The following SYT14 variants were observed in gnomAD, a reference collection of about 807,000 sequenced individuals.
SYT14 encodes the protein synaptotagmin-14.
SYT14 carries 32 observed loss-of-function variants against 74.2 expected under a neutral mutation model. The observed-to-expected ratio is 0.43, with a 90% CI of 0.33 to 0.58. The LOEUF (loss-of-function observed/expected upper bound fraction) is 0.58, where lower values mean the gene tolerates loss of function less well. Among genes scored for constraint, SYT14 ranks in the 20% least tolerant of loss-of-function variants. The pLI, the probability that SYT14 is intolerant of heterozygous loss-of-function variation, is 0.05. For synonymous variants in SYT14, 298 were observed against 337.7 expected (o/e 0.88, Z 1.29); for missense variants, 791 against 981.8 (o/e 0.81, Z 2.60).
chr1:209,983,913 A>G (rs2079531026), intron 2 of SYT14, among the ~76,000 whole-genome samples: 1 of 152,200 alleles, frequency 6.6e-6, no homozygotes. Context: ...TGACCTCCCC[A>G]GACTATTTTT....
chr1:209,974,316 G>T (rs1252741574), intron 2 of SYT14, among the ~76,000 whole-genome samples: 2 of 152,064 alleles, frequency 1.3e-5, no homozygotes, highest in Admixed American at 6.6e-5. Flanking sequence ...TATTGCCTAG[G>T]TTTTCTTCTA....
At chr1:209,974,347 C>G (rs1210566294) in intron 2 of SYT14, among the ~76,000 whole-genome samples, 1 of 152,148 alleles carries the variant, frequency 6.6e-6, no homozygotes, top group African/African-American at 2.4e-5. Flanking sequence ...GGTTTCAGGT[C>G]TAACATTTAC....
intron 5 of SYT14, among the ~76,000 whole-genome samples, chr1:210,080,862 A>G (rs2081603583): frequency 6.6e-6 from 1 of 152,166 alleles, no homozygotes; most frequent in African/African-American, 2.4e-5. Flanking sequence ...GAGCGTGGTT[A>G]TGTTTGGGGA....
At chr1:210,024,059 G>A (rs539015522) in intron 5 of SYT14, among the ~76,000 whole-genome samples, 1 of 152,186 alleles carries the variant, frequency 6.6e-6, no homozygotes, top group African/African-American at 2.4e-5. Flanking sequence ...AAATCCACTT[G>A]GCTCCAACAT....
intron 5 of SYT14, among the ~76,000 whole-genome samples, chr1:210,027,615 T>G (rs1208794879): frequency 6.6e-6 from 1 of 152,158 alleles, no homozygotes; most frequent in Admixed American, 6.6e-5. Flanking sequence ...CAAACTCCTG[T>G]TGTTCAAGGG....
At chr1:209,978,789 C>T (rs1395089004) in intron 2 of SYT14, among the ~76,000 whole-genome samples, 2 of 152,226 alleles carry the variant, frequency 1.3e-5, no homozygotes, top group East Asian at 1.9e-4. Context: ...TTTGGGTATT[C>T]CCTGCCCCCA....
At chr1:210,134,208 TC>T (rs1441368026) in intron 7 of SYT14, among the ~76,000 whole-genome samples, 1 of 151,944 alleles carries the variant, frequency 6.6e-6, no homozygotes, top group Non-Finnish European at 1.5e-5. Context: ...GCTCAAGCGA[TC>T]CTCCCACCTC....
At chr1:210,161,270 T>G (rs2083368247) in exon 10 of SYT14, 5 of 651,086 alleles carry the variant, frequency 7.7e-6, no homozygotes, top group Non-Finnish European at 1.4e-5. Context: ...ACACTATCAT[T>G]GCTAAACTAA....
At chr1:210,073,917 G>A (rs2081441149) in intron 5 of SYT14, among the ~76,000 whole-genome samples, 1 of 108,336 alleles carries the variant, frequency 9.2e-6, no homozygotes, top group African/African-American at 5.3e-5. Flanking sequence ...GCTTTAATTT[G>A]GTATATCAAG....
chr1:210,129,235 T>C (rs1212154037), intron 7 of SYT14, among the ~76,000 whole-genome samples: 1 of 151,976 alleles, frequency 6.6e-6, no homozygotes, highest in East Asian at 1.9e-4. Context: ...ACCTAGAGAG[T>C]AGGCCTTTCT....
intron 2 of SYT14, among the ~76,000 whole-genome samples, chr1:209,983,615 G>A (rs544375326): frequency 3.9e-5 from 6 of 152,066 alleles, no homozygotes; most frequent in African/African-American, 1.2e-4. Flanking sequence ...TTGTGTGTGT[G>A]TGTGTTTTTT....
rs1301436589 is a variant in SYT14 at position 209,951,097 on chromosome 1, A to G, written c.-533-1612A>G. Among the ~76,000 whole-genome samples, 4 of 152,340 alleles carry G rather than the reference A, an allele frequency of 2.6e-5. No homozygotes were observed. In the South Asian group the frequency reaches 8.3e-4, roughly 32 times the overall value. On this transcript the variant is annotated intron_variant, in intron 1 of 9. Coordinates refer to ENST00000637265, the Ensembl canonical transcript of SYT14. ...AAATGATTAAATCAAGCCAATTAAC[A>G]TATCAGTCACTTCACCTTTTTTGTG...
chr1:209,962,999 C>G (rs545783384), intron 2 of SYT14, among the ~76,000 whole-genome samples: 18 of 152,072 alleles, frequency 1.2e-4, no homozygotes, highest in Non-Finnish European at 1.8e-4. Flanking sequence ...AAATTTAAAG[C>G]CTGTTTGTTT....
chr1:210,076,281 G>A (rs182109481), intron 5 of SYT14, among the ~76,000 whole-genome samples: 4 of 152,220 alleles, frequency 2.6e-5, no homozygotes, highest in African/African-American at 4.8e-5. Flanking sequence ...AGATGCCATG[G>A]TGTATACTCC....
At chr1:209,966,937 A>G (rs868157093) in intron 2 of SYT14, among the ~76,000 whole-genome samples, 5 of 152,178 alleles carry the variant, frequency 3.3e-5, no homozygotes, top group African/African-American at 1.2e-4. Context: ...TCAAGGGAAG[A>G]GCATTCAGTC....
chr1:210,018,332 T>C (rs1001795818), intron 4 of SYT14, among the ~76,000 whole-genome samples: 3 of 152,070 alleles, frequency 2.0e-5, no homozygotes, highest in African/African-American at 7.2e-5. Context: ...TAGGGTTTCA[T>C]CATGTTGGCC....
intron 5 of SYT14, among the ~76,000 whole-genome samples, chr1:210,051,353 T>C (rs572124794): frequency 6.6e-6 from 1 of 152,352 alleles, no homozygotes; most frequent in South Asian, 2.1e-4. Flanking sequence ...TTTTTTGTGG[T>C]TATCTGTTTG....
chr1:210,065,774 G>T (rs1007165642), intron 5 of SYT14, among the ~76,000 whole-genome samples: 10 of 151,446 alleles, frequency 6.6e-5, no homozygotes, highest in African/African-American at 1.7e-4. Context: ...TGTGCACAAC[G>T]TGCAGGTTTG....
Position 209,958,313 on chromosome 1 carries a change from C to G in SYT14, c.-486+5557C>G, listed in dbSNP as rs187078002. Among the ~76,000 whole-genome samples the G allele has an allele frequency of 2.0e-5, 3 of 152,050 alleles. No homozygotes were observed. The East Asian group carries it at 5.8e-4, about 30-fold the overall frequency. On this transcript the variant is annotated intron_variant, in intron 2 of 9. Coordinates refer to ENST00000637265, the Ensembl canonical transcript of SYT14. ...ATTGAAGTGTTGTGATTCTTGTTAT[C>G]TATTAGGACAAATTCTTCTTATTTT...
Sources: gnomAD v4.1 joint callset for allele counts (sites outside exome capture counted in the v4.1 genomes callset) on GRCh38, gnomAD v4.1.1 for gene constraint, MANE v1.5 for transcripts, NCBI Gene and HGNC (gene_info 2026-07-23, HGNC 2026-07-21) for gene names.